Variants in COL8A1 observed in about 807,000 individuals in gnomAD.
COL8A1 encodes collagen alpha-1(VIII) chain.
In COL8A1, 21 loss-of-function variants were observed where a neutral mutation model predicts 42.7. That is an observed-to-expected ratio of 0.49 (90% CI 0.35 to 0.71). The LOEUF is 0.71. COL8A1 is among the 30% of genes least tolerant of loss of function. COL8A1 has a pLI of 0.01. For missense variants in COL8A1, 788 were observed against 962.4 expected, an observed-to-expected ratio of 0.82 and a Z score of 2.40; for synonymous variants, 367 against 369.1, an observed-to-expected ratio of 0.99 and a Z score of 0.06.
intron 1 of COL8A1, among the ~76,000 whole-genome samples, chr3:99,714,270 C>T (rs1026784660): frequency 2.6e-5 from 4 of 152,062 alleles, no homozygotes; most frequent in African/African-American, 9.7e-5. Flanking sequence ...CTTCCTAAAA[C>T]CTGACCTACC....
chr3:99,721,426 A>T (rs1940150958), intron 1 of COL8A1, among the ~76,000 whole-genome samples: 1 of 104,688 alleles, frequency 9.6e-6, no homozygotes. Context: ...GGAAAGGGAA[A>T]GGGAAAGGGG....
At chr3:99,663,762 C>T (rs1283436083) in intron 1 of COL8A1, among the ~76,000 whole-genome samples, 2 of 151,830 alleles carry the variant, frequency 1.3e-5, no homozygotes, top group African/African-American at 4.8e-5. Context: ...CTTATTGAAG[C>T]CAGGTTTTGT....
intron 1 of COL8A1, among the ~76,000 whole-genome samples, chr3:99,717,320 T>C (rs959438617): frequency 6.6e-6 from 1 of 152,010 alleles, no homozygotes; most frequent in African/African-American, 2.4e-5. Flanking sequence ...CAAAGCACCA[T>C]TTTCCCTTTC....
chr3:99,733,140 T>C (rs1197128345), intron 1 of COL8A1, among the ~76,000 whole-genome samples: 1 of 147,676 alleles, frequency 6.8e-6, no homozygotes, highest in Non-Finnish European at 1.5e-5. Flanking sequence ...TTTTTAAACT[T>C]TCTTTTTTTT....
intron 2 of COL8A1, among the ~76,000 whole-genome samples, chr3:99,755,730 G>A (rs2107418725): frequency 6.6e-6 from 1 of 152,310 alleles, no homozygotes; most frequent in South Asian, 2.1e-4. Flanking sequence ...AGGCAAATGG[G>A]AAGTCCCAAG....
intron 2 of COL8A1, among the ~76,000 whole-genome samples, chr3:99,750,049 C>CTT (rs1176042144): frequency 0.031 from 2,062 of 65,860 alleles, 83 homozygotes; most frequent in Admixed American, 0.043. Context: ...TTTTTTTCTT[C>CTT]TTTTTTTTTT....
intron 1 of COL8A1, among the ~76,000 whole-genome samples, chr3:99,697,254 G>C (rs750113347): frequency 6.6e-6 from 1 of 151,966 alleles, no homozygotes; most frequent in Non-Finnish European, 1.5e-5. Flanking sequence ...CCAAAGTGCT[G>C]GGATTACAGG....
chr3:99,722,124 GT>G (rs904672937), intron 1 of COL8A1, among the ~76,000 whole-genome samples: 6 of 151,812 alleles, frequency 4.0e-5, no homozygotes, highest in Non-Finnish European at 1.5e-5. Context: ...TAGTACTTAA[GT>G]TTTTGAAATA....
At chr3:99,715,395 T>C (rs995753990) in intron 1 of COL8A1, among the ~76,000 whole-genome samples, 2 of 152,060 alleles carry the variant, frequency 1.3e-5, no homozygotes, top group African/African-American at 4.8e-5. Context: ...ACCGTTCAGA[T>C]GTGAGAAACA....
At chr3:99,654,632 A>G (rs1026817409) in intron 1 of COL8A1, among the ~76,000 whole-genome samples, 1 of 152,106 alleles carries the variant, frequency 6.6e-6, no homozygotes, top group Non-Finnish European at 1.5e-5. Context: ...TACAAAATGT[A>G]CAAAGACTAG....
At chr3:99,666,559 A>C (rs772140357) in intron 1 of COL8A1, among the ~76,000 whole-genome samples, 4 of 152,244 alleles carry the variant, frequency 2.6e-5, no homozygotes, top group Non-Finnish European at 5.9e-5. Context: ...CAAACACATT[A>C]GACACATGTA....
intron 1 of COL8A1, among the ~76,000 whole-genome samples, chr3:99,732,703 C>T (rs1284854408): frequency 1.3e-5 from 2 of 152,052 alleles, no homozygotes; most frequent in African/African-American, 4.8e-5. Flanking sequence ...AATCTCATGT[C>T]CTCACATTTC....
intron 1 of COL8A1, among the ~76,000 whole-genome samples, chr3:99,671,564 G>A (rs1243906105): frequency 6.6e-6 from 1 of 151,874 alleles, no homozygotes; most frequent in Non-Finnish European, 1.5e-5. Flanking sequence ...TACTTGAAAT[G>A]GTGTGTCTTT....
intron 1 of COL8A1, among the ~76,000 whole-genome samples, chr3:99,741,206 A>G (rs1940889494): frequency 6.6e-6 from 1 of 152,118 alleles, no homozygotes; most frequent in African/African-American, 2.4e-5. Context: ...GCTTTCTAAT[A>G]TGTTTATTAG....
At chr3:99,764,976 AT>A (rs1016538151) in intron 2 of COL8A1, among the ~76,000 whole-genome samples, 60 of 152,208 alleles carry the variant, frequency 3.9e-4, no homozygotes, top group African/African-American at 1.4e-3. Flanking sequence ...AAATAGTTGC[AT>A]TTTTTAAGGG....
chr3:99,761,963 C>G (rs1157778227), intron 2 of COL8A1, among the ~76,000 whole-genome samples: 1 of 152,052 alleles, frequency 6.6e-6, no homozygotes, highest in Non-Finnish European at 1.5e-5. Context: ...TTTTAGACAC[C>G]ACAGCTTTGG....
chr3:99,792,601 T>C (rs1370497379), intron 3 of COL8A1, among the ~76,000 whole-genome samples: 1 of 152,200 alleles, frequency 6.6e-6, no homozygotes. Flanking sequence ...TGTATTATTC[T>C]TATTCTTGCT....
chr3:99,692,628 A>G (rs866873061), intron 1 of COL8A1, among the ~76,000 whole-genome samples: 4 of 152,224 alleles, frequency 2.6e-5, no homozygotes, highest in Admixed American at 6.5e-5. Context: ...TTGCCTCAAG[A>G]CTATTCTAGG....
At chr3:99,706,748 CT>C (rs1939689592) in intron 1 of COL8A1, among the ~76,000 whole-genome samples, 1 of 152,186 alleles carries the variant, frequency 6.6e-6, no homozygotes, top group South Asian at 2.1e-4. Flanking sequence ...CAGCTCTGTC[CT>C]TTACAGCTCT....
Sources: allele counts gnomAD v4.1 joint callset (sites outside exome capture counted in the v4.1 genomes callset), GRCh38; gene constraint gnomAD v4.1.1; transcripts MANE v1.5; gene names NCBI Gene and HGNC (gene_info 2026-07-23, HGNC 2026-07-21).